The following RALYL variants were observed in gnomAD, a reference collection of about 807,000 sequenced individuals.
RALYL encodes RALY RNA binding protein like.
RALYL carries 29 observed loss-of-function variants against 35.1 expected under a neutral mutation model. That is an observed-to-expected ratio of 0.83 (90% CI 0.61 to 1.13). RALYL has a LOEUF of 1.13. Ranked by LOEUF, RALYL falls within the 50% of genes most tolerant of loss-of-function variation. The pLI is 0.00. For missense variants in RALYL, 359 were observed against 360.4 expected, an observed-to-expected ratio of 1.00 and a Z score of 0.03; for synonymous variants, 120 against 127.6, an observed-to-expected ratio of 0.94 and a Z score of 0.40.
intron 1 of RALYL, among the ~76,000 whole-genome samples, chr8:84,397,342 A>G (rs2042443423): frequency 6.6e-6 from 1 of 152,246 alleles, no homozygotes; most frequent in Admixed American, 6.5e-5. Context: ...TATGATAATT[A>G]GTTACAGAAA....
intron 2 of RALYL, among the ~76,000 whole-genome samples, chr8:84,759,889 T>C (rs1812285019): frequency 6.6e-6 from 1 of 152,168 alleles, no homozygotes; most frequent in Non-Finnish European, 1.5e-5. Flanking sequence ...AAACAATATC[T>C]TTTTAAAAAC....
intron 2 of RALYL, among the ~76,000 whole-genome samples, chr8:84,761,297 T>A (rs1812634450): frequency 7.7e-6 from 1 of 130,240 alleles, no homozygotes; most frequent in Admixed American, 7.1e-5. Context: ...TACAGAAAAA[T>A]TAATTTTCAG....
intron 8 of RALYL, among the ~76,000 whole-genome samples, chr8:84,908,650 C>A (rs1273537556): frequency 6.6e-6 from 1 of 152,028 alleles, no homozygotes; most frequent in East Asian, 1.9e-4. Flanking sequence ...GTGAATAATG[C>A]CACAATAAAT....
chr8:84,333,709 A>C (rs1461161795), intron 1 of RALYL, among the ~76,000 whole-genome samples: 2 of 152,286 alleles, frequency 1.3e-5, no homozygotes, highest in Middle Eastern at 3.4e-3. Flanking sequence ...ATTGAGTCAC[A>C]CAGCTTAGGT....
intron 1 of RALYL, among the ~76,000 whole-genome samples, chr8:84,521,796 C>T (rs984150265): frequency 1.3e-5 from 2 of 152,038 alleles, no homozygotes; most frequent in African/African-American, 4.8e-5. Flanking sequence ...AAATTATTAA[C>T]TTTTTATAAC....
chr8:84,644,354 G>A (rs146762774), intron 2 of RALYL, among the ~76,000 whole-genome samples: 240 of 152,116 alleles, frequency 1.6e-3, no homozygotes, highest in Non-Finnish European at 2.8e-3. Flanking sequence ...TGAACATCTT[G>A]TATGAGCTAG....
chr8:84,415,466 C>G (rs998764798), intron 1 of RALYL, among the ~76,000 whole-genome samples: 7 of 152,058 alleles, frequency 4.6e-5, no homozygotes, highest in African/African-American at 1.7e-4. Flanking sequence ...TCTGGAACTC[C>G]TGACCTTATG....
At chr8:84,911,027 A>G (rs1336641730) in intron 8 of RALYL, among the ~76,000 whole-genome samples, 5 of 152,104 alleles carry the variant, frequency 3.3e-5, no homozygotes, top group African/African-American at 9.7e-5. Flanking sequence ...CAACTTAAAG[A>G]GAGTAACTAT....
chr8:84,865,174 A>G (rs182690157), intron 6 of RALYL, among the ~76,000 whole-genome samples: 14 of 152,278 alleles, frequency 9.2e-5, no homozygotes, highest in African/African-American at 3.4e-4. Flanking sequence ...AGTACTTTTT[A>G]TAATTAGGTT....
intron 2 of RALYL, among the ~76,000 whole-genome samples, chr8:84,729,193 C>A (rs1845616746): frequency 6.6e-6 from 1 of 152,188 alleles, no homozygotes; most frequent in African/African-American, 2.4e-5. Flanking sequence ...TCCTTCACAT[C>A]CCTTGTAAGT....
intron 2 of RALYL, among the ~76,000 whole-genome samples, chr8:84,720,145 GA>G (rs1268771040): frequency 1.3e-5 from 2 of 151,838 alleles, no homozygotes; most frequent in East Asian, 1.9e-4. Flanking sequence ...TGTTGAAATA[GA>G]AAAAAACTCA....
At chr8:84,302,131 T>C (rs1022805085) in intron 1 of RALYL, among the ~76,000 whole-genome samples, 19 of 152,164 alleles carry the variant, frequency 1.2e-4, no homozygotes. Context: ...AACTGAGACA[T>C]ATAAGGGATG....
intron 1 of RALYL, among the ~76,000 whole-genome samples, chr8:84,192,183 G>T (rs1814057210): frequency 6.6e-6 from 1 of 152,122 alleles, no homozygotes; most frequent in African/African-American, 2.4e-5. Flanking sequence ...ATAAAACCTG[G>T]TTAGATTTAA....
intron 2 of RALYL, among the ~76,000 whole-genome samples, chr8:84,741,372 T>C (rs1272053843): frequency 6.6e-6 from 1 of 151,982 alleles, no homozygotes; most frequent in Non-Finnish European, 1.5e-5. Flanking sequence ...CTGTAACAAA[T>C]ACCTCAGACT....
intron 4 of RALYL, among the ~76,000 whole-genome samples, chr8:84,837,337 G>A (rs933269630): frequency 2.0e-5 from 3 of 152,180 alleles, no homozygotes; most frequent in African/African-American, 7.2e-5. Flanking sequence ...TAGAAAGCCA[G>A]TTATCGCAAT....
chr8:84,819,951 G>T (rs1019862030), intron 4 of RALYL, among the ~76,000 whole-genome samples: 6 of 151,794 alleles, frequency 4.0e-5, no homozygotes, highest in African/African-American at 1.5e-4. Context: ...TTCAAAAATT[G>T]GTATCATCAT....
chr8:84,759,916 C>T (rs1586020101), intron 2 of RALYL, among the ~76,000 whole-genome samples: 1 of 152,102 alleles, frequency 6.6e-6, no homozygotes, highest in South Asian at 2.1e-4. Context: ...TAGACCTCCA[C>T]CAGTGATTTA....
Position 84,767,295 on chromosome 8 carries a change from G to T in RALYL, c.257-7284G>T, listed in dbSNP as rs1462671753. ...TAAGTTTATAGTTATATCTGTCACG[G>T]CATCATGGTATTGCTTATTCAGTTT... On this transcript the variant is annotated intron_variant, in intron 2 of 8. Transcript: ENST00000521268. Among the ~76,000 whole-genome samples the T allele has an allele frequency of 2.0e-5, 3 of 152,030 alleles. No individual in the cohort carries two copies. In the East Asian group the frequency reaches 5.8e-4, roughly 29 times the overall value.
At chr8:84,660,861 A>T (rs569422544) in intron 2 of RALYL, among the ~76,000 whole-genome samples, 1 of 152,208 alleles carries the variant, frequency 6.6e-6, no homozygotes, top group African/African-American at 2.4e-5. Flanking sequence ...TATTTTCAGG[A>T]TGTAGAATTT....
Sources: gnomAD v4.1 joint callset for allele counts (sites outside exome capture counted in the v4.1 genomes callset) on GRCh38, gnomAD v4.1.1 for gene constraint, MANE v1.5 for transcripts, NCBI Gene and HGNC (gene_info 2026-07-23, HGNC 2026-07-21) for gene names.